The following GUK1 variants were observed in gnomAD, a reference collection of about 807,000 sequenced individuals.
GUK1 encodes the protein guanylate kinase.
GUK1 carries 18 observed loss-of-function variants against 25.2 expected under a neutral mutation model. The ratio of observed to expected loss-of-function variants is 0.71; its 90% CI spans 0.49 to 1.06. The LOEUF is 1.06. Among genes scored for constraint, GUK1 ranks in the 50% least tolerant of loss-of-function variants. The pLI is 0.00. For synonymous variants in GUK1, 105 were observed against 117.6 expected (o/e 0.89, Z 0.69); for missense variants, 261 against 276.7 (o/e 0.94, Z 0.40).
intron 2 of GUK1, chr1:228,144,599 C>T (rs1185899334): frequency 2.5e-6 from 1 of 395,652 alleles, no homozygotes; most frequent in Non-Finnish European, 3.4e-6. Context: ...CCTGCAAGGG[C>T]CCAGGGCCAG....
chr1:228,148,493 A>G lies in GUK1; in HGVS notation c.561+37A>G, dbSNP rs542934700. ...CTTGTGCCTACCTGGGCAAGGCCCA[A>G]GGGGAGGCCTGGGGGCCAGGCCTTT... On this transcript the variant is annotated intron_variant, in intron 8 of 8. Transcript: ENST00000312726. The G allele has an allele frequency of 6.0e-6, 9 of 1,508,140 alleles. No individual in the cohort carries two copies. In the African/African-American group the frequency reaches 1.1e-4, roughly 19 times the overall value. 93.4% of individuals were successfully genotyped at this position (1,508,140 alleles called of 1,614,324 possible).
chr1:228,145,399 C>G (rs545173663), intron 2 of GUK1, 112 bp from the exon 2 acceptor site: 17 of 1,139,318 alleles, frequency 1.5e-5, no homozygotes, highest in Admixed American at 1.1e-4. Context: ...AGGCCAATGT[C>G]TCCATCCCTG....
At chr1:228,144,153 G>C (rs1016515564) in intron 2 of GUK1, among the ~76,000 whole-genome samples, 1 of 152,102 alleles carries the variant, frequency 6.6e-6, no homozygotes, top group Non-Finnish European at 1.5e-5. Flanking sequence ...TTTGTGCCTG[G>C]GAGTGGCATG....
intron 4 of GUK1, 87 bp from the exon 4 acceptor site, chr1:228,146,755 C>A: frequency 1.2e-6 from 1 of 845,488 alleles, no homozygotes; most frequent in Admixed American, 1.7e-5. Context: ...GAGGGGCCTG[C>A]AGGCATGCCT....
chr1:228,145,873 C>A, intron 3 of GUK1, 153 bp from the exon 3 acceptor site: 1 of 727,424 alleles, frequency 1.4e-6, no homozygotes, highest in Non-Finnish European at 2.4e-6. Context: ...TCTGGGAGAA[C>A]CCTCGCCTTG....
In GUK1 at chr1:228,148,920, C is replaced by A. The variant is rs768258407; in HGVS notation, c.*223C>A. ...TCACTCTGGACCCAGGGCTGACATC[C>A]TAATAAAATAACTGTTGGATTAGAA... is the stretch of plus-strand genomic sequence containing the variant. On this transcript the variant is annotated 3_prime_UTR_variant, in exon 9 of 9. Coordinates refer to ENST00000312726, the MANE Select transcript of GUK1 (RefSeq NM_000858.7). 1 of 1,161,850 alleles carries A rather than the reference C, an allele frequency of 8.6e-7. No homozygotes were observed. The highest frequency in any genetic ancestry group is 1.6e-5 in the South Asian group (1 of 64,064). 72.0% of individuals were successfully genotyped at this position (1,161,850 alleles called of 1,614,324 possible). A position where few individuals can be genotyped will look rare whatever the true frequency, so the allele number is the denominator to read the frequency against.
chr1:228,147,088 T>C, intron 5 of GUK1, 150 bp downstream of exon 4: 3 of 670,578 alleles, frequency 4.5e-6, no homozygotes, highest in Non-Finnish European at 5.4e-6. Context: ...CTCCCACGTC[T>C]GTGGCCCACA....
chr1:228,140,182 G>A (rs2033962430), upstream of GUK1: 3 of 819,288 alleles, frequency 3.7e-6, no homozygotes, highest in Non-Finnish European at 5.7e-6. Flanking sequence ...CTAAGGGGCG[G>A]GGAAGAACGA....
At chr1:228,143,781 G>C (rs180716276) in intron 2 of GUK1, among the ~76,000 whole-genome samples, 1 of 152,350 alleles carries the variant, frequency 6.6e-6, no homozygotes, top group South Asian at 2.1e-4. Flanking sequence ...CGAGCTAAGC[G>C]CAGGGGCAAA....
intron 4 of GUK1, 75 bp from the exon 4 acceptor site, chr1:228,146,767 G>T: frequency 1.1e-6 from 1 of 930,344 alleles, no homozygotes. Flanking sequence ...GGCATGCCTG[G>T]GTTGGGGGCA....
At chr1:228,142,768 G>C (rs578104557) in intron 2 of GUK1, among the ~76,000 whole-genome samples, 6 of 152,220 alleles carry the variant, frequency 3.9e-5, no homozygotes, top group South Asian at 4.1e-4. Context: ...AGTGAGGCAC[G>C]AGCTCCCCAA....
At chr1:228,140,762 G>C (rs1005275545) in intron 1 of GUK1, among the ~76,000 whole-genome samples, 2 of 152,276 alleles carry the variant, frequency 1.3e-5, no homozygotes, top group Non-Finnish European at 2.9e-5. Context: ...GGGGTCCTGG[G>C]CGGATGGAGC....
At chr1:228,141,586 T>TC in intron 2 of GUK1, 1 of 1,028,008 alleles carries the variant, frequency 9.7e-7, no homozygotes, top group Non-Finnish European at 1.2e-6. Context: ...TAGCATCTCC[T>TC]CGAACAGTGG....
intron 5 of GUK1, 61 bp from the exon 5 acceptor site, chr1:228,147,345 T>G (rs1033167787): frequency 8.5e-6 from 13 of 1,535,568 alleles, no homozygotes; most frequent in Non-Finnish European, 1.2e-5. Flanking sequence ...TGGGTGTCCC[T>G]GAAGCTCCTG....
At chr1:228,140,877 G>A (rs2034006235) in intron 1 of GUK1, among the ~76,000 whole-genome samples, 1 of 152,248 alleles carries the variant, frequency 6.6e-6, no homozygotes, top group Admixed American at 6.5e-5. Context: ...GTGGCATTTG[G>A]GGTTCGGATT....
intron 2 of GUK1, chr1:228,144,683 A>T: frequency 1.0e-6 from 1 of 980,284 alleles, no homozygotes; most frequent in Non-Finnish European, 1.2e-6. Context: ...GGGACTCAGC[A>T]CCCCCAGCTC....
intron 2 of GUK1, chr1:228,141,662 T>C (rs1374641329): frequency 3.2e-6 from 4 of 1,235,096 alleles, no homozygotes; most frequent in African/African-American, 1.6e-5. Context: ...GAGGAGATTA[T>C]GCCGCCACAG....
At chr1:228,140,175 A>C (rs2124921816), upstream of GUK1, 2 of 785,920 alleles carry the variant, frequency 2.5e-6, no homozygotes, top group East Asian at 5.8e-5. Flanking sequence ...TACTTCCCTA[A>C]GGGGCGGGGA....
intron 2 of GUK1, chr1:228,144,870 C>G (rs1246550383): frequency 4.9e-6 from 1 of 204,562 alleles, no homozygotes; most frequent in African/African-American, 2.4e-5. Flanking sequence ...GGGAGGGAGG[C>G]CTCCAACCCC....
Sources: allele counts gnomAD v4.1 joint callset (sites outside exome capture counted in the v4.1 genomes callset), GRCh38; gene constraint gnomAD v4.1.1; transcripts MANE v1.5; gene names NCBI Gene and HGNC (gene_info 2026-07-23, HGNC 2026-07-21).